Variants in KCNIP4 observed in about 807,000 individuals in gnomAD.
KCNIP4 encodes potassium voltage-gated channel interacting protein 4.
KCNIP4 carries 12 observed loss-of-function variants against 34.0 expected under a neutral mutation model. The observed-to-expected ratio is 0.35, with a 90% CI of 0.23 to 0.57. The LOEUF is 0.57. Among genes scored for constraint, KCNIP4 ranks in the 20% least tolerant of loss-of-function variants. The pLI is 0.83. For missense variants in KCNIP4, 238 were observed against 311.7 expected (o/e 0.76, Z 1.78); for synonymous variants, 124 against 102.2 (o/e 1.21, Z -1.29).
intron 1 of KCNIP4, among the ~76,000 whole-genome samples, chr4:21,559,205 T>A (rs1440851872): frequency 6.6e-6 from 1 of 152,062 alleles, no homozygotes; most frequent in Non-Finnish European, 1.5e-5. Flanking sequence ...TACCACATAA[T>A]CATCAGCAAA....
chr4:21,257,295 AT>A (rs950283811), intron 1 of KCNIP4, among the ~76,000 whole-genome samples: 1 of 152,046 alleles, frequency 6.6e-6, no homozygotes, highest in African/African-American at 2.4e-5. Flanking sequence ...AGGGCCTGAT[AT>A]TTTTTTCATT....
intron 1 of KCNIP4, among the ~76,000 whole-genome samples, chr4:21,192,952 C>CTAATAATAATAA (rs147687940): frequency 4.2e-4 from 61 of 145,118 alleles, no homozygotes; most frequent in African/African-American, 1.5e-3. Flanking sequence ...ACTACTACTA[C>CTAATAATAATAA]TAATAATAAT....
chr4:21,548,133 G>A (rs753485957), intron 1 of KCNIP4, among the ~76,000 whole-genome samples: 10 of 152,062 alleles, frequency 6.6e-5, no homozygotes, highest in Admixed American at 4.6e-4. Context: ...GGTAACCAAG[G>A]AGCACAGCAG....
chr4:21,273,018 T>A (rs1261927814), intron 1 of KCNIP4, among the ~76,000 whole-genome samples: 1 of 152,190 alleles, frequency 6.6e-6, no homozygotes, highest in Non-Finnish European at 1.5e-5. Flanking sequence ...CTCATTTTAT[T>A]GTGTCACTGC....
At chr4:21,465,539 C>A (rs1729848486) in intron 1 of KCNIP4, among the ~76,000 whole-genome samples, 1 of 152,088 alleles carries the variant, frequency 6.6e-6, no homozygotes, top group Non-Finnish European at 1.5e-5. Flanking sequence ...CTACAATAAC[C>A]CCATTACATT....
chr4:21,694,914 C>CAAAAAAAAAAAA lies in KCNIP4; in HGVS notation c.61+253645_61+253656dup, dbSNP rs368053041. 4.9e-4 allele frequency among the ~76,000 whole-genome samples: 23 copies of CAAAAAAAAAAAA among 46,516 alleles called. 1 individual carries two copies. Among genetic ancestry groups the CAAAAAAAAAAAA allele is most frequent in the African/African-American group, 1.4e-3 (21 of 15,256 alleles). 30.5% of individuals were successfully genotyped at this position (46,516 alleles called of 152,430 possible). ...CGTTTCCTCAGATAACACGATTGACCAAAAAAAAAAAAAAAATAAAAATAA... is the reference window on the plus strand; with the variant it reads ...CGTTTCCTCAGATAACACGATTGACCAAAAAAAAAAAAAAAAAAAAAAAAAAAATAAAAATAA... On this transcript the variant is annotated intron_variant, in intron 1 of 8. Coordinates refer to ENST00000382152, the MANE Select transcript of KCNIP4 (RefSeq NM_025221.6).
intron 1 of KCNIP4, among the ~76,000 whole-genome samples, chr4:21,105,311 C>T (rs1394541431): frequency 1.3e-5 from 2 of 151,546 alleles, no homozygotes; most frequent in East Asian, 1.9e-4. Context: ...AGGTCCTTCA[C>T]GTCCCTTGTA....
At chr4:21,676,639 T>C (rs17495164) in intron 1 of KCNIP4, among the ~76,000 whole-genome samples, 3,643 of 152,342 alleles carry the variant, frequency 0.024, 71 homozygotes, top group Non-Finnish European at 0.039. Flanking sequence ...AGGTCTATTT[T>C]ATGCTATGTA....
rs755266993 is a variant in KCNIP4, at chr4:21,259,920, T to TGTGTGTGTGCGC, written c.62-377212_62-377211insGCGCACACACAC. 2.0e-5 allele frequency among the ~76,000 whole-genome samples: 3 copies of TGTGTGTGTGCGC among 150,078 alleles called. No individual in the cohort carries two copies. The East Asian group carries it at 6.0e-4, about 30-fold the overall frequency. Reference sequence around the variant, plus strand: ...GTGTGTGTGTGTGTGTGTGTGTGTGTGCACGTGCGCTTATGTGCATTGTGC... The same window carrying TGTGTGTGTGCGC: ...GTGTGTGTGTGTGTGTGTGTGTGTGTGTGTGTGTGCGCGCACGTGCGCTTATGTGCATTGTGC... On this transcript the variant is annotated intron_variant, in intron 1 of 8. Coordinates refer to ENST00000382152, the MANE Select transcript of KCNIP4 (RefSeq NM_025221.6).
chr4:21,349,759 G>T (rs1229193983), intron 1 of KCNIP4, among the ~76,000 whole-genome samples: 1 of 152,144 alleles, frequency 6.6e-6, no homozygotes, highest in Non-Finnish European at 1.5e-5. Context: ...TACTCAAAAT[G>T]TGGAGCAACA....
At chr4:21,138,774 G>T (rs1483277921) in intron 1 of KCNIP4, among the ~76,000 whole-genome samples, 1 of 152,094 alleles carries the variant, frequency 6.6e-6, no homozygotes, top group Non-Finnish European at 1.5e-5. Context: ...GAGGCTGAGT[G>T]TCAGGGCAAT....
intron 1 of KCNIP4, among the ~76,000 whole-genome samples, chr4:21,922,986 A>T (rs1278682484): frequency 6.6e-6 from 1 of 152,202 alleles, no homozygotes; most frequent in Non-Finnish European, 1.5e-5. Context: ...ATCTTATGTG[A>T]TTCAATTACA....
chr4:20,845,164 C>T (rs1314568300), intron 3 of KCNIP4, among the ~76,000 whole-genome samples: 1 of 152,128 alleles, frequency 6.6e-6, no homozygotes, highest in East Asian at 1.9e-4. Flanking sequence ...GCAGGCTGCA[C>T]CATGGTCAAG....
intron 1 of KCNIP4, among the ~76,000 whole-genome samples, chr4:21,214,676 T>G (rs1481501649): frequency 1.3e-5 from 2 of 152,190 alleles, no homozygotes; most frequent in African/African-American, 2.4e-5. Flanking sequence ...CTTGACTATA[T>G]ATGTTAAACC....
intron 3 of KCNIP4, among the ~76,000 whole-genome samples, chr4:20,772,442 A>G (rs1302962562): frequency 5.3e-5 from 8 of 152,138 alleles, no homozygotes; most frequent in Admixed American, 5.2e-4. Context: ...ATATATTGAA[A>G]CCCTCAGGGC....
At chr4:21,678,693 C>T (rs1750109353) in intron 1 of KCNIP4, among the ~76,000 whole-genome samples, 1 of 152,100 alleles carries the variant, frequency 6.6e-6, no homozygotes, top group African/African-American at 2.4e-5. Flanking sequence ...AATTTGTGTT[C>T]CCAGATATTT....
intron 1 of KCNIP4, among the ~76,000 whole-genome samples, chr4:21,784,866 T>C (rs1189544869): frequency 6.6e-6 from 1 of 152,218 alleles, no homozygotes; most frequent in Non-Finnish European, 1.5e-5. Flanking sequence ...TGATTCAATG[T>C]TGAGTTGACA....
intron 3 of KCNIP4, among the ~76,000 whole-genome samples, chr4:20,835,373 C>T (rs1315146238): frequency 6.6e-6 from 1 of 152,120 alleles, no homozygotes; most frequent in Non-Finnish European, 1.5e-5. Context: ...TACCTTGGTT[C>T]AATTCCCAGC....
chr4:20,974,856 T>C (rs1328275556), intron 1 of KCNIP4, among the ~76,000 whole-genome samples: 1 of 152,196 alleles, frequency 6.6e-6, no homozygotes, highest in Middle Eastern at 3.2e-3. Flanking sequence ...CTTTCCTGGA[T>C]GATTGAATAC....
Sources: allele counts gnomAD v4.1 joint callset (sites outside exome capture counted in the v4.1 genomes callset), GRCh38; gene constraint gnomAD v4.1.1; transcripts MANE v1.5; gene names NCBI Gene and HGNC (gene_info 2026-07-23, HGNC 2026-07-21).